Variants in TBC1D19 observed in about 807,000 individuals in gnomAD.
TBC1D19 encodes TBC1 domain family, member 19.
A neutral mutation model predicts 89.0 loss-of-function variants in TBC1D19; 60 were observed. That is an observed-to-expected ratio of 0.67 (90% CI 0.55 to 0.84). TBC1D19 has a LOEUF of 0.84. Among genes scored for constraint, TBC1D19 ranks in the 40% least tolerant of loss-of-function variants. TBC1D19 has a pLI of 0.00. For synonymous variants in TBC1D19, 189 were observed against 199.7 expected (o/e 0.95, Z 0.45); for missense variants, 500 against 610.8 (o/e 0.82, Z 1.91).
intron 1 of TBC1D19, among the ~76,000 whole-genome samples, chr4:26,603,127 GC>G (rs1245428477): frequency 6.6e-6 from 1 of 152,084 alleles, no homozygotes; most frequent in African/African-American, 2.4e-5. Flanking sequence ...ATTTTATGTT[GC>G]CAACGATAAA....
At chr4:26,633,100 G>A (rs1372736925) in intron 4 of TBC1D19, among the ~76,000 whole-genome samples, 1 of 152,094 alleles carries the variant, frequency 6.6e-6, no homozygotes, top group Non-Finnish European at 1.5e-5. Flanking sequence ...TCTGGAAACA[G>A]TTTTCTCTAG....
chr4:26,582,433 C>T (rs1220628524), upstream of TBC1D19, among the ~76,000 whole-genome samples: 1 of 152,178 alleles, frequency 6.6e-6, no homozygotes, highest in Non-Finnish European at 1.5e-5. Flanking sequence ...TTCCCTTCAA[C>T]GCTCTACTAA....
the TBC1D19 span, among the ~76,000 whole-genome samples, chr4:26,842,340 C>CTTTTCTT: frequency 4.9e-5 from 4 of 81,576 alleles, no homozygotes; most frequent in East Asian, 7.7e-4. Flanking sequence ...CTTTTCTTTT[C>CTTTTCTT]TTTTTTTTTT....
At chr4:26,844,937 C>G in the TBC1D19 span, among the ~76,000 whole-genome samples, 3 of 152,176 alleles carry the variant, frequency 2.0e-5, no homozygotes, top group Non-Finnish European at 2.9e-5. Context: ...TTTCACATAC[C>G]AAGAACCTCT....
chr4:26,802,056 A>G, the TBC1D19 span, among the ~76,000 whole-genome samples: 1 of 152,184 alleles, frequency 6.6e-6, no homozygotes, highest in Admixed American at 6.6e-5. Flanking sequence ...TAAAATATAT[A>G]CACCTTTATC....
At chr4:26,781,562 T>C in the TBC1D19 span, among the ~76,000 whole-genome samples, 1 of 152,252 alleles carries the variant, frequency 6.6e-6, no homozygotes, top group Non-Finnish European at 1.5e-5. Context: ...AGGATGCTGA[T>C]GTTAATACCT....
intron 1 of TBC1D19, among the ~76,000 whole-genome samples, chr4:26,601,581 G>T (rs1740613301): frequency 6.6e-6 from 1 of 152,204 alleles, no homozygotes; most frequent in South Asian, 2.1e-4. Flanking sequence ...TAAGCAGAGG[G>T]TCTCTCTTAT....
chr4:26,695,988 G>A (rs1388710980), intron 13 of TBC1D19, among the ~76,000 whole-genome samples: 1 of 152,282 alleles, frequency 6.6e-6, no homozygotes, highest in East Asian at 1.9e-4. Context: ...ATAATGACAG[G>A]ATCAAATTCA....
At chr4:26,788,971 A>G in the TBC1D19 span, among the ~76,000 whole-genome samples, 7,272 of 152,194 alleles carry the variant, frequency 0.048, 500 homozygotes, top group African/African-American at 0.16. Flanking sequence ...AGCACCCTGG[A>G]GTTGCTGGAA....
chr4:26,593,768 T>C (rs1739996691), intron 1 of TBC1D19, among the ~76,000 whole-genome samples: 1 of 152,022 alleles, frequency 6.6e-6, no homozygotes, highest in Admixed American at 6.5e-5. Flanking sequence ...ATCAGAGAAA[T>C]GCAAATCAAA....
chr4:26,708,940 A>C (rs1715947876), intron 13 of TBC1D19, among the ~76,000 whole-genome samples: 1 of 150,976 alleles, frequency 6.6e-6, no homozygotes, highest in Non-Finnish European at 1.5e-5. Flanking sequence ...GTCTTTCTAT[A>C]GCAAATCTGC....
chr4:26,802,726 A>G, the TBC1D19 span, among the ~76,000 whole-genome samples: 359 of 152,368 alleles, frequency 2.4e-3, 9 homozygotes, highest in East Asian at 0.048. Flanking sequence ...ATGCACATTG[A>G]TGTTTACAGG....
chr4:26,768,900 A>T, the TBC1D19 span, among the ~76,000 whole-genome samples: 3 of 152,196 alleles, frequency 2.0e-5, no homozygotes, highest in African/African-American at 7.2e-5. Context: ...TATCTCAAAA[A>T]ATAATGGCAA....
chr4:26,590,809 T>TG (rs1368738455), intron 1 of TBC1D19, among the ~76,000 whole-genome samples: 30 of 51,270 alleles, frequency 5.9e-4, no homozygotes, highest in African/African-American at 1.4e-3. Flanking sequence ...TTTTTTTTTT[T>TG]TTTTTTTTTT....
At position 26,702,022 on chromosome 4, in the gene TBC1D19, A is replaced by G. The variant is rs549791655; in HGVS notation, c.954+13615A>G. On this transcript the variant is annotated intron_variant, in intron 13 of 20. Coordinates refer to ENST00000264866, the MANE Select transcript of TBC1D19 (RefSeq NM_018317.4). Reference sequence around the variant, plus strand: ...AGAGATAAGAGGATTGCCATTTTTAAGTTACAACTACAAAGCCTCTTTGGT... The same window carrying G: ...AGAGATAAGAGGATTGCCATTTTTAGGTTACAACTACAAAGCCTCTTTGGT... Among the ~76,000 whole-genome samples the G allele has an allele frequency of 1.1e-3, 175 of 152,296 alleles. 2 individuals are homozygous for G. The highest frequency in any genetic ancestry group is 4.1e-3 in the African/African-American group (169 of 41,582).
chr4:26,851,741 G>C, the TBC1D19 span, among the ~76,000 whole-genome samples: 1 of 152,214 alleles, frequency 6.6e-6, no homozygotes, highest in South Asian at 2.1e-4. Flanking sequence ...GTTTGAGATG[G>C]AGTATCACTC....
intron 15 of TBC1D19, among the ~76,000 whole-genome samples, chr4:26,730,893 T>A (rs1158539939): frequency 3.9e-5 from 6 of 152,230 alleles, no homozygotes; most frequent in Non-Finnish European, 8.8e-5. Flanking sequence ...GGAAGCTGTC[T>A]TAGGAGCCTT....
At chr4:26,771,934 A>G in the TBC1D19 span, among the ~76,000 whole-genome samples, 1 of 152,240 alleles carries the variant, frequency 6.6e-6, no homozygotes, top group Non-Finnish European at 1.5e-5. Context: ...CAGTAGTGTC[A>G]TTAAAACAAA....
intron 9 of TBC1D19, among the ~76,000 whole-genome samples, chr4:26,670,734 C>T (rs1000775985): frequency 2.1e-4 from 32 of 151,714 alleles, no homozygotes; most frequent in South Asian, 4.2e-4. Context: ...CAGATTCTGT[C>T]ACTCTCATGG....
Sources: allele counts gnomAD v4.1 joint callset (sites outside exome capture counted in the v4.1 genomes callset), GRCh38; gene constraint gnomAD v4.1.1; transcripts MANE v1.5; gene names NCBI Gene and HGNC (gene_info 2026-07-23, HGNC 2026-07-21).